Variants in LRRC4C observed in about 807,000 individuals in gnomAD.
The protein encoded by LRRC4C is leucine rich repeat containing 4C.
In LRRC4C, 5 loss-of-function variants were observed where a neutral mutation model predicts 33.6. The ratio of observed to expected loss-of-function variants is 0.15; its 90% CI spans 0.08 to 0.31. The LOEUF (loss-of-function observed/expected upper bound fraction) is 0.31, where lower values mean the gene tolerates loss of function less well. Among genes scored for constraint, LRRC4C ranks in the 10% least tolerant of loss-of-function variants. The probability of loss-of-function intolerance (pLI) is 1.00; values close to 1 mark genes in which losing one functional copy is unlikely to be tolerated. For missense variants in LRRC4C, 560 were observed against 796.7 expected (o/e 0.70, Z 3.58); for synonymous variants, 329 against 302.0 (o/e 1.09, Z -0.93).
intron 2 of LRRC4C, among the ~76,000 whole-genome samples, chr11:40,735,244 C>T (rs966656831): frequency 2.0e-5 from 3 of 152,174 alleles, no homozygotes; most frequent in Non-Finnish European, 4.4e-5. Context: ...ATGTGCCATG[C>T]TGGTGTGCTG....
intron 1 of LRRC4C, among the ~76,000 whole-genome samples, chr11:41,041,553 CA>C (rs760882469): frequency 3.3e-5 from 5 of 152,068 alleles, no homozygotes; most frequent in Non-Finnish European, 7.4e-5. Context: ...TTATTACATA[CA>C]TTATGTCACA....
chr11:40,787,264 G>T (rs560600145), intron 2 of LRRC4C, among the ~76,000 whole-genome samples: 1 of 152,076 alleles, frequency 6.6e-6, no homozygotes, highest in Non-Finnish European at 1.5e-5. Context: ...TGCCAACTGG[G>T]GGGGGTAGGG....
intron 1 of LRRC4C, among the ~76,000 whole-genome samples, chr11:41,275,169 G>A (rs771555741): frequency 1.3e-4 from 20 of 152,204 alleles, no homozygotes; most frequent in South Asian, 4.2e-4. Context: ...ACAAGAAGCC[G>A]AGCAGGCACT....
At chr11:40,858,365 A>G (rs1182570714) in intron 2 of LRRC4C, among the ~76,000 whole-genome samples, 2 of 152,150 alleles carry the variant, frequency 1.3e-5, no homozygotes, top group African/African-American at 4.8e-5. Flanking sequence ...ATCTACTTAC[A>G]TAAGTCTAAT....
chr11:40,721,855 G>A (rs1402676711), intron 2 of LRRC4C, among the ~76,000 whole-genome samples: 1 of 152,100 alleles, frequency 6.6e-6, no homozygotes, highest in Non-Finnish European at 1.5e-5. Flanking sequence ...GCAGGAGAAC[G>A]GCGTGAACCC....
chr11:40,943,977 A>G (rs1958270942), intron 1 of LRRC4C, among the ~76,000 whole-genome samples: 1 of 152,094 alleles, frequency 6.6e-6, no homozygotes, highest in South Asian at 2.1e-4. Context: ...GCTTAACTTC[A>G]CCAAGCTTTA....
At position 40,476,542 on chromosome 11, in the gene LRRC4C, C is replaced by A. The variant is rs141097056; in HGVS notation, c.-269-156821G>T. Among the ~76,000 whole-genome samples the A allele has an allele frequency of 4.7e-3, 710 of 151,848 alleles. 21 individuals carry two copies. The highest frequency in any genetic ancestry group is 0.033 in the Admixed American group (510 of 15,246). ...TGTATTTTTACTAGAGACAGGTTTT[C>A]ACTATGTTGGCCAGGCTGGTCTCAA... is the stretch of plus-strand genomic sequence containing the variant. On this transcript the variant is annotated intron_variant, in intron 3 of 6. Transcript: ENST00000528697.
intron 2 of LRRC4C, among the ~76,000 whole-genome samples, chr11:40,688,529 C>T (rs527687201): frequency 1.3e-5 from 2 of 152,176 alleles, no homozygotes; most frequent in South Asian, 4.2e-4. Context: ...CTCTCATACA[C>T]TAGGAGTCCA....
At chr11:40,665,331 T>A (rs1298122795) in intron 2 of LRRC4C, among the ~76,000 whole-genome samples, 335 of 8,242 alleles carry the variant, frequency 0.041, 1 homozygote, top group African/African-American at 0.11. Flanking sequence ...AAAAAATATA[T>A]ATATATATAT....
chr11:40,908,133 T>G (rs1956507110), intron 2 of LRRC4C, among the ~76,000 whole-genome samples: 1 of 152,170 alleles, frequency 6.6e-6, no homozygotes, highest in Non-Finnish European at 1.5e-5. Context: ...TCCTTAGTAC[T>G]TTATATAAAG....
At chr11:40,334,108 G>A (rs1055442025) in intron 3 of LRRC4C, among the ~76,000 whole-genome samples, 1 of 152,050 alleles carries the variant, frequency 6.6e-6, no homozygotes, top group African/African-American at 2.4e-5. Flanking sequence ...AACCTAACCT[G>A]GTGTTTTTCC....
At chr11:41,115,013 A>C (rs1247933572) in intron 1 of LRRC4C, among the ~76,000 whole-genome samples, 1 of 152,114 alleles carries the variant, frequency 6.6e-6, no homozygotes, top group Non-Finnish European at 1.5e-5. Context: ...ATTTTTTCAT[A>C]ACTGTTGAAG....
chr11:41,331,533 C>G (rs1429076100), intron 1 of LRRC4C, among the ~76,000 whole-genome samples: 5 of 152,294 alleles, frequency 3.3e-5, no homozygotes, highest in African/African-American at 9.6e-5. Context: ...CTTGCCGCCT[C>G]CCTTCACTCA....
At chr11:40,127,448 A>G (rs917253633) in intron 6 of LRRC4C, among the ~76,000 whole-genome samples, 1 of 152,132 alleles carries the variant, frequency 6.6e-6, no homozygotes, top group Admixed American at 6.5e-5. Flanking sequence ...TAAAGGACTT[A>G]CACTATAGAA....
At chr11:40,403,636 T>C (rs964065924) in intron 3 of LRRC4C, among the ~76,000 whole-genome samples, 2 of 152,150 alleles carry the variant, frequency 1.3e-5, no homozygotes, top group Non-Finnish European at 2.9e-5. Flanking sequence ...AAATAGACTT[T>C]TGCTACTTCA....
intron 5 of LRRC4C, among the ~76,000 whole-genome samples, chr11:40,178,775 T>G (rs1860731580): frequency 6.6e-6 from 1 of 152,166 alleles, no homozygotes; most frequent in Non-Finnish European, 1.5e-5. Context: ...GTGGGGTTGG[T>G]TGGGCTCTCT....
chr11:40,566,978 G>GTACT (rs970289769), intron 3 of LRRC4C, among the ~76,000 whole-genome samples: 16 of 152,010 alleles, frequency 1.1e-4, no homozygotes, highest in African/African-American at 3.9e-4. Context: ...TGTTTGCTTA[G>GTACT]TACTTATTAT....
rs141858013 is a variant in LRRC4C, at chr11:41,037,907, T to A, written c.-495-104184A>T. Among the ~76,000 whole-genome samples the A allele has an allele frequency of 3.8e-3, 585 of 152,314 alleles. 4 individuals carry two copies. The highest frequency in any genetic ancestry group is 0.013 in the African/African-American group (556 of 41,562). On this transcript the variant is annotated intron_variant, in intron 1 of 6. Coordinates refer to ENST00000528697, the MANE Select transcript of LRRC4C (RefSeq NM_001258419.2). ...ATGTTTGCCTGGATTTTTACCCACA[T>A]TTATTTCCTCCTTTTTGAGTGGTTT...
chr11:40,159,344 A>G (rs1382288533), intron 5 of LRRC4C, among the ~76,000 whole-genome samples: 3 of 152,182 alleles, frequency 2.0e-5, no homozygotes, highest in African/African-American at 4.8e-5. Context: ...AAGATGTGAT[A>G]CTCAAAGCGA....
Sources: allele counts gnomAD v4.1 joint callset (sites outside exome capture counted in the v4.1 genomes callset), GRCh38; gene constraint gnomAD v4.1.1; transcripts MANE v1.5; gene names NCBI Gene and HGNC (gene_info 2026-07-23, HGNC 2026-07-21).